The following GARNL3 variants were observed in gnomAD, a reference collection of about 807,000 sequenced individuals.
The protein encoded by GARNL3 is GTPase activating Rap/RanGAP domain like 3, also known as GTPase-activating Rap/Ran-GAP domain-like protein 3.
A neutral mutation model predicts 125.0 loss-of-function variants in GARNL3; 63 were observed. The observed-to-expected ratio is 0.50, with a 90% CI of 0.41 to 0.62. The LOEUF (loss-of-function observed/expected upper bound fraction) is 0.62. GARNL3 is among the 20% of genes least tolerant of loss of function. The pLI is 0.00. For synonymous variants in GARNL3, 439 were observed against 457.5 expected (o/e 0.96, Z 0.52); for missense variants, 994 against 1,244.0 (o/e 0.80, Z 3.02).
intron 22 of GARNL3, among the ~76,000 whole-genome samples, chr9:127,375,993 T>C (rs553985737): frequency 6.6e-5 from 10 of 152,328 alleles, no homozygotes; most frequent in African/African-American, 2.4e-4. Flanking sequence ...AGAGTCTTAC[T>C]CTGTCACCCA....
intron 22 of GARNL3, among the ~76,000 whole-genome samples, chr9:127,372,773 T>C (rs1178158923): frequency 6.6e-6 from 1 of 152,184 alleles, no homozygotes; most frequent in East Asian, 1.9e-4. Flanking sequence ...CTTTAAACTC[T>C]ACCCAGATAA....
At chr9:127,313,130 G>C (rs2131472192) in intron 3 of GARNL3, among the ~76,000 whole-genome samples, 1 of 152,232 alleles carries the variant, frequency 6.6e-6, no homozygotes, top group Middle Eastern at 3.4e-3. Flanking sequence ...ATCACTTCTA[G>C]ACTCCACCAG....
At chr9:127,311,353 G>A (rs1038929430) in intron 2 of GARNL3, among the ~76,000 whole-genome samples, 18 of 152,092 alleles carry the variant, frequency 1.2e-4, no homozygotes, top group African/African-American at 4.3e-4. Flanking sequence ...CCCAAATACT[G>A]TGGAAGTTTC....
In GARNL3 at chr9:127,339,843, A is replaced by G; in HGVS notation, c.1135+92A>G. The stretch of plus-strand genomic sequence containing the variant: ...CCAGAATGCTGTTTAAGGAAATGTC[A>G]TTGTTTAAGCATTCCATGTTCCGTT... On this transcript the variant is annotated intron_variant, in intron 13 of 27. Transcript: ENST00000373387. 6 of 845,160 alleles carry G rather than the reference A, an allele frequency of 7.1e-6. No homozygotes were observed. The East Asian group carries it at 9.7e-5, about 14-fold the overall frequency. 52.4% of individuals were successfully genotyped at this position (845,160 alleles called of 1,614,324 possible).
Position 127,344,189 on chromosome 9 carries a change from A to G in GARNL3, c.1252-46A>G, listed in dbSNP as rs1217793775. The G allele has an allele frequency of 3.0e-6, 4 of 1,329,572 alleles. No individual in the cohort carries two copies. The East Asian group carries it at 9.2e-5, about 31-fold the overall frequency. The allele number at this position is 1,329,572 out of a possible 1,614,324, so 82.4% of individuals were successfully genotyped here. ...GCACTATGAGAAGCCAAAAGATGAG[A>G]CTTAACAACTGTTTGTGGAATTCAT... On this transcript the variant is annotated intron_variant, in intron 14 of 27. Coordinates refer to ENST00000373387, the MANE Select transcript of GARNL3 (RefSeq NM_032293.5).
At chr9:127,251,669 T>C (rs566770112) in intron 2 of GARNL3, among the ~76,000 whole-genome samples, 4 of 152,322 alleles carry the variant, frequency 2.6e-5, no homozygotes, top group South Asian at 4.1e-4. Context: ...AAAATTCATG[T>C]CAGTTCCACA....
chr9:127,335,438 C>A (rs1829498850), intron 10 of GARNL3, 105 bp downstream of exon 10: 2 of 871,664 alleles, frequency 2.3e-6, no homozygotes, highest in Non-Finnish European at 3.8e-6. Context: ...ATGAGCTGAG[C>A]TGTGGCCACC....
chr9:127,298,440 A>C (rs1387712382), intron 2 of GARNL3, among the ~76,000 whole-genome samples: 2 of 152,088 alleles, frequency 1.3e-5, no homozygotes, highest in East Asian at 1.9e-4. Context: ...CAGCCTCCCA[A>C]AGCACTAGGA....
intron 6 of GARNL3, among the ~76,000 whole-genome samples, chr9:127,324,491 A>T (rs7853317): frequency 0.13 from 20,330 of 152,092 alleles, 1,757 homozygotes; most frequent in East Asian, 0.21. Flanking sequence ...CCCATGGCTC[A>T]CCTGGGCCAT....
At chr9:127,366,688 G>T (rs896078362) in intron 22 of GARNL3, 1 of 152,164 alleles carries the variant, frequency 6.6e-6, no homozygotes, top group Non-Finnish European at 1.5e-5. Flanking sequence ...AGATAGAGCA[G>T]GTTTTTAGAG....
Position 127,389,139 on chromosome 9 carries a change from G to C in GARNL3, c.2743+20G>C, listed in dbSNP as rs749040138. 1 of 1,558,632 alleles carries C rather than the reference G, an allele frequency of 6.4e-7. No individual in the cohort carries two copies. Among genetic ancestry groups the C allele is most frequent in the Non-Finnish European group, 8.8e-7 (1 of 1,130,022 alleles). On this transcript the variant is annotated intron_variant, in intron 26 of 27. Coordinates refer to ENST00000373387, the MANE Select transcript of GARNL3 (RefSeq NM_032293.5). ...TACTGGGTAATGGTTCTCAATCCTG[G>C]TTTCCACTGTCTGTGAACAGACCAG... is the stretch of plus-strand genomic sequence containing the variant.
chr9:127,247,773 C>G (rs958399259), intron 2 of GARNL3, among the ~76,000 whole-genome samples: 13 of 152,146 alleles, frequency 8.5e-5, no homozygotes, highest in African/African-American at 2.9e-4. Flanking sequence ...CTTTGTGTTA[C>G]AAATAACGCA....
At chr9:127,244,998 G>A (rs1175457493) in intron 2 of GARNL3, among the ~76,000 whole-genome samples, 1 of 152,166 alleles carries the variant, frequency 6.6e-6, no homozygotes, top group Non-Finnish European at 1.5e-5. Flanking sequence ...GCAGAGGACG[G>A]GAGGGAACCC....
In GARNL3 at chr9:127,393,216, A is replaced by C; in HGVS notation, c.3004A>C (p.Thr1002Pro). The C allele has an allele frequency of 6.2e-7, 1 of 1,613,646 alleles. No individual in the cohort carries two copies. The highest frequency in any genetic ancestry group is 1.1e-5 in the South Asian group (1 of 91,068). ...CTCCGGCAGCAGCCCCTTCCAGCTCACGGCTTTCTCCGATGAAGACATTAT... is the reference window on the plus strand; with the variant it reads ...CTCCGGCAGCAGCCCCTTCCAGCTCCCGGCTTTCTCCGATGAAGACATTAT... ...PVSGSSPFQL[T>P]AFSDEDIIDL... The change falls in exon 28 of 28, where the codon ACG (threonine) becomes CCG (proline). Residue 1002 changes from threonine (T) to proline (P), a missense_variant. By Grantham distance (38) the Thr-to-Pro change is conservative (BLOSUM62 -1). Around this residue, in one of 5 missense-constraint regions of GARNL3, gnomAD observed 728 missense variants for 865.7 expected, o/e 0.84. Coordinates refer to ENST00000373387, the MANE Select transcript of GARNL3 (RefSeq NM_032293.5).
At chr9:127,224,950 TGCTCCGG>T (rs72240221) in intron 1 of GARNL3, among the ~76,000 whole-genome samples, 4,062 of 80,232 alleles carry the variant, frequency 0.051, 434 homozygotes, top group African/African-American at 0.2. Flanking sequence ...GGGCGGGGCC[TGCTCCGG>T]GCTGAGGGCG....
rs541698081 is a variant in GARNL3, at chr9:127,367,871, G to GT, written c.2161+2506dup. ...CAAAACCTGCTTCTTAACAACTGTT[G>GT]TAAGTACTAAGCAGGATGATACATG... On this transcript the variant is annotated intron_variant, in intron 22 of 27. Coordinates refer to ENST00000373387, the MANE Select transcript of GARNL3 (RefSeq NM_032293.5). 6.6e-5 allele frequency among the ~76,000 whole-genome samples: 10 copies of GT among 152,160 alleles called. No homozygotes were observed. The East Asian group carries it at 1.9e-3, about 29-fold the overall frequency.
At chr9:127,243,947 G>A (rs1323934953) in intron 2 of GARNL3, among the ~76,000 whole-genome samples, 5 of 152,148 alleles carry the variant, frequency 3.3e-5, no homozygotes, top group Admixed American at 6.5e-5. Flanking sequence ...GCAACAACAC[G>A]GTTGACTTCA....
At chr9:127,391,552 A>ATATATATATATATATG (rs1292380673) in intron 27 of GARNL3, among the ~76,000 whole-genome samples, 2 of 129,042 alleles carry the variant, frequency 1.5e-5, no homozygotes, top group African/African-American at 5.7e-5. Flanking sequence ...ATATATATAT[A>ATATATATATATATATG]GGCTGGGTCT....
chr9:127,354,342 G>A lies in GARNL3; in HGVS notation c.1691G>A (p.Gly564Asp). 1 of 1,614,042 alleles carries A rather than the reference G, an allele frequency of 6.2e-7. No individual in the cohort carries two copies. Among genetic ancestry groups the A allele is most frequent in the Non-Finnish European group, 8.5e-7 (1 of 1,179,944 alleles). The change falls in exon 19 of 28, where the codon GGC becomes GAC. Residue 564 changes from glycine to aspartate, a missense_variant. Coordinates refer to ENST00000373387, the MANE Select transcript of GARNL3 (RefSeq NM_032293.5). Reference sequence around the variant, plus strand: ...TTCAGGCTAAGTGCTCTGCAAAAGGGCCTTGAGGGGAAGCAGGCTGGGAAG... The same window carrying A: ...TTCAGGCTAAGTGCTCTGCAAAAGGACCTTGAGGGGAAGCAGGCTGGGAAG... ...FVFRLSALQK[G>D]LEGKQAGKSR...
Sources: allele counts gnomAD v4.1 joint callset (sites outside exome capture counted in the v4.1 genomes callset), GRCh38; gene constraint gnomAD v4.1.1; regional missense constraint gnomAD v4.1.1; transcripts MANE v1.5; gene names NCBI Gene and HGNC (gene_info 2026-07-23, HGNC 2026-07-21).